Variants in SDCBP2 observed in about 807,000 individuals in gnomAD.
SDCBP2 encodes syndecan binding protein 2.
A neutral mutation model predicts 30.7 loss-of-function variants in SDCBP2; 28 were observed. The ratio of observed to expected loss-of-function variants is 0.91; its 90% CI spans 0.68 to 1.25. The LOEUF is 1.25. Ranked by LOEUF, SDCBP2 falls within the 50% of genes most tolerant of loss-of-function variation. The probability of loss-of-function intolerance (pLI) is 0.00; values close to 1 mark genes in which losing one functional copy is unlikely to be tolerated. For missense variants in SDCBP2, 399 were observed against 379.0 expected, an observed-to-expected ratio of 1.05 and a Z score of -0.44; for synonymous variants, 166 against 157.3, an observed-to-expected ratio of 1.06 and a Z score of -0.41.
Position 1,319,536 on chromosome 20 carries a change from T to G in SDCBP2, c.124+54A>C. The G allele has an allele frequency of 4.6e-6, 7 of 1,520,714 alleles. 1 individual carries two copies. In the South Asian group the frequency reaches 8.4e-5, roughly 18 times the overall value. 94.2% of individuals were successfully genotyped at this position (1,520,714 alleles called of 1,614,324 possible). ...TGGCATTGCCAAGCTTCCCTGATGA[T>G]CTCTTCCCTGAAAGGACTTGGCACC... On this transcript the variant is annotated intron_variant, in intron 3 of 8. Coordinates refer to ENST00000360779, the MANE Select transcript of SDCBP2 (RefSeq NM_080489.5).
Position 1,319,667 on chromosome 20 carries a change from G to A in SDCBP2, c.55-8C>T, listed in dbSNP as rs1396047746. The A allele has an allele frequency of 2.6e-6, 4 of 1,551,084 alleles. No individual in the cohort carries two copies. The highest frequency in any genetic ancestry group is 4.7e-5 in the East Asian group (2 of 42,894). On this transcript the variant is annotated splice_region_variant and splice_polypyrimidine_tract_variant and intron_variant, in intron 2 of 8. Coordinates refer to ENST00000360779, the MANE Select transcript of SDCBP2 (RefSeq NM_080489.5). ...TGAGGCTCTGACCTGGGCCTGGGGAGGAGCAGGGAGCACTGGTCAGCTGTG... is the reference window on the plus strand; with the variant it reads ...TGAGGCTCTGACCTGGGCCTGGGGAAGAGCAGGGAGCACTGGTCAGCTGTG...
At chr20:1,322,185 C>T (rs2088858543) in intron 1 of SDCBP2, 1 of 152,274 alleles carries the variant, frequency 6.6e-6, no homozygotes, top group Non-Finnish European at 1.5e-5. Context: ...CCTCTCCCTG[C>T]TCCTTGCTTG....
In SDCBP2 at chr20:1,320,326, T is replaced by A; in HGVS notation, c.54+37A>T. The A allele has an allele frequency of 6.3e-7, 1 of 1,599,520 alleles. No homozygotes were observed. Among genetic ancestry groups the A allele is most frequent in the Non-Finnish European group, 8.6e-7 (1 of 1,168,214 alleles). On this transcript the variant is annotated intron_variant, in intron 2 of 8. Transcript: ENST00000360779. The surrounding 1 kb of genome is among the most constrained non-coding windows in gnomAD (Gnocchi z 4.7). Reference sequence around the variant, plus strand: ...TTCCAGGGTAATCCCCAAGGTCCCCTTCAGGGAATCCAGGCCAATGGGGCC... The same window carrying A: ...TTCCAGGGTAATCCCCAAGGTCCCCATCAGGGAATCCAGGCCAATGGGGCC...
rs753353949 is a variant in SDCBP2 at position 1,310,910 on chromosome 20, A to G, written c.733-19T>C. On this transcript the variant is annotated intron_variant, in intron 7 of 8. Transcript: ENST00000360779. ...TTTTGTCCTAGGGAGGAGGCAAGTA[A>G]GCGATCACCCTAAGGATTGGGGACC... 1.3e-6 allele frequency: 2 copies of G among 1,597,366 alleles called. No homozygotes were observed. The highest frequency in any genetic ancestry group is 2.7e-5 in the African/African-American group (2 of 74,636).
chr20:1,328,087 C>T (rs1396835617), intron 1 of SDCBP2, among the ~76,000 whole-genome samples: 2 of 152,016 alleles, frequency 1.3e-5, no homozygotes, highest in Non-Finnish European at 2.9e-5. Flanking sequence ...GGGGTGGGCA[C>T]GGCCATTGCA....
rs967616629 is a variant in SDCBP2 at position 1,320,375 on chromosome 20, G to T, written c.42C>A (p.Asp14Glu). 1 of 1,613,904 alleles carries T rather than the reference G, an allele frequency of 6.2e-7. No individual in the cohort carries two copies. The highest frequency in any genetic ancestry group is 8.5e-7 in the Non-Finnish European group (1 of 1,179,928). The stretch of plus-strand genomic sequence containing the variant: ...CCTGGCGACTTACCTGAATGGCTTG[G>T]TCCACTTTTAGGTCCTCTAGAGATG... Reference protein sequence around the residue: ...LYPSLEDLKVDQAIQAQVRAS... With the variant: ...LYPSLEDLKVEQAIQAQVRAS... Residue 14 changes from aspartate (D) to glutamate (E), a missense_variant, in exon 2 of 9, where the codon GAC becomes GAA. Transcript: ENST00000360779. This position sits in a 1 kb window ranked among gnomAD's most constrained non-coding sequence, Gnocchi z 4.7.
Position 1,310,401 on chromosome 20 carries a change from G to A in SDCBP2, c.*40C>T, listed in dbSNP as rs1477495713. ...GGGTGGTTGCCCTTTGCTGCAGGAG[G>A]GCGGGAAGCCCCCCCTGCCTGCCCT... On this transcript the variant is annotated 3_prime_UTR_variant, in exon 9 of 9. Coordinates refer to ENST00000360779, the MANE Select transcript of SDCBP2 (RefSeq NM_080489.5). 3 of 1,604,680 alleles carry A rather than the reference G, an allele frequency of 1.9e-6. No homozygotes were observed. The highest frequency in any genetic ancestry group is 1.9e-4 in the Middle Eastern group (1 of 5,218).
Position 1,312,336 on chromosome 20 carries a change from C to T in SDCBP2, c.732+1G>A. On this transcript the variant is annotated splice_donor_variant, in intron 7 of 8. Coordinates refer to ENST00000360779, the MANE Select transcript of SDCBP2 (RefSeq NM_080489.5). LOFTEE classifies it high-confidence loss of function. ...CCTCCCTGGTGCGGCCACCAGCCTA[C>T]CTTCAGCCCGATAACATTCTGCCCG... 6.2e-7 allele frequency: 1 copy of T among 1,612,642 alleles called. No homozygotes were observed. Among genetic ancestry groups the T allele is most frequent in the Non-Finnish European group, 8.5e-7 (1 of 1,179,502 alleles).
At chr20:1,311,180 G>A (rs1027500648) in intron 7 of SDCBP2, 8 of 348,454 alleles carry the variant, frequency 2.3e-5, no homozygotes, top group African/African-American at 6.2e-5. Flanking sequence ...TGAGCCTGAC[G>A]CGTAACAGGG....
intron 4 of SDCBP2, chr20:1,317,761 G>T: frequency 4.2e-6 from 1 of 236,096 alleles, no homozygotes. Flanking sequence ...CATCGGCTCA[G>T]GACGAGCCTG....
At chr20:1,312,872 G>A in intron 5 of SDCBP2, 110 bp from the exon 6 acceptor site, 1 of 1,224,006 alleles carries the variant, frequency 8.2e-7, no homozygotes, top group Non-Finnish European at 1.1e-6. Flanking sequence ...CAGGGTGCCA[G>A]GGACACAGCT....
Position 1,313,533 on chromosome 20 carries a change from C to G in SDCBP2, c.226-35G>C. The G allele has an allele frequency of 6.5e-7, 1 of 1,538,744 alleles. No individual in the cohort carries two copies. Among genetic ancestry groups the G allele is most frequent in the Non-Finnish European group, 8.7e-7 (1 of 1,146,892 alleles). ...CCAGGGGGCAGGGGGTCAGCCCGGC[C>G]CGTGGGGACCCTGTGCCTCAGGAGA... On this transcript the variant is annotated intron_variant, in intron 4 of 8. Coordinates refer to ENST00000360779, the MANE Select transcript of SDCBP2 (RefSeq NM_080489.5). The surrounding 1 kb of genome is among the most constrained non-coding windows in gnomAD (Gnocchi z 5.2).
intron 7 of SDCBP2, among the ~76,000 whole-genome samples, chr20:1,311,720 G>T (rs560057333): frequency 3.9e-5 from 6 of 152,232 alleles, no homozygotes; most frequent in African/African-American, 1.4e-4. Context: ...AGAACCTCAC[G>T]ACCCCATGGA....
At position 1,310,249 on chromosome 20, in the gene SDCBP2, T is replaced by G. The variant is rs1320386993; in HGVS notation, c.*192A>C. ...TGTGGGCCCTGCCTGAGCCTCAGCC[T>G]AGCTTGGAGTCTGAGGCTCCAAGGA... On this transcript the variant is annotated 3_prime_UTR_variant, in exon 9 of 9. Transcript: ENST00000360779. The G allele has an allele frequency of 1.9e-6, 1 of 518,372 alleles. No individual in the cohort carries two copies. The allele number at this position is 518,372 out of a possible 1,614,324, so 32.1% of individuals were successfully genotyped here. A position where few individuals can be genotyped will look rare whatever the true frequency, so the allele number is the denominator to read the frequency against.
intron 1 of SDCBP2, 87 bp downstream of exon 1, chr20:1,328,998 G>A (rs765607711): frequency 1.3e-5 from 2 of 152,408 alleles, no homozygotes; most frequent in Non-Finnish European, 2.9e-5. Context: ...CAGAAGGGAA[G>A]GGGCAGGGAG....
chr20:1,313,047 T>A lies in SDCBP2; in HGVS notation c.385-285A>T, dbSNP rs2088704401. 1.7e-6 allele frequency: 1 copy of A among 587,114 alleles called. No individual in the cohort carries two copies. Among genetic ancestry groups the A allele is most frequent in the Non-Finnish European group, 3.0e-6 (1 of 330,342 alleles). The allele number at this position is 587,114 out of a possible 1,614,324, so 36.4% of individuals were successfully genotyped here. ...GCATGGGCTTCCCTGGCGTCGGCTG[T>A]CTACACCGTCGCCTGGAAGCTAGAT... On this transcript the variant is annotated intron_variant, in intron 5 of 8. Coordinates refer to ENST00000360779, the MANE Select transcript of SDCBP2 (RefSeq NM_080489.5). This position sits in a 1 kb window ranked among gnomAD's most constrained non-coding sequence, Gnocchi z 5.2.
chr20:1,318,053 C>T, intron 4 of SDCBP2: 1 of 512,456 alleles, frequency 2.0e-6, no homozygotes, highest in South Asian at 1.6e-5. Context: ...CCTCCCTTCT[C>T]ATCCAGCTCA....
rs200258208 is a variant in SDCBP2 at position 1,319,609 on chromosome 20, T to C, written c.105A>G (p.Thr35=). The part of the protein sequence containing the change: ...PKMPALPVQA[T]AISPPPVLYP... ...ACTCACCTGGTGGTGGGGAAATGGC[T>C]GTTGCCTGGACTGGCAGGGCTGGCA... The change falls in exon 3 of 9, where the codon ACA becomes ACG. Residue 35 remains threonine (T), a synonymous_variant. Transcript: ENST00000360779. The C allele has an allele frequency of 2.2e-4, 349 of 1,573,390 alleles. No individual in the cohort carries two copies. The African/African-American group carries it at 4.5e-3, about 20-fold the overall frequency.
chr20:1,310,434 A>G lies in SDCBP2; in HGVS notation c.*7T>C, dbSNP rs746694847. On this transcript the variant is annotated 3_prime_UTR_variant, in exon 9 of 9. Coordinates refer to ENST00000360779, the MANE Select transcript of SDCBP2 (RefSeq NM_080489.5). ...GCCCCCCCTGCCTGCCCTGCCCTGC[A>G]GTGGCTTCAGGCATCTGGGATGGAG... 3.4e-5 allele frequency: 55 copies of G among 1,613,098 alleles called. No homozygotes were observed. The highest frequency in any genetic ancestry group is 4.5e-5 in the Non-Finnish European group (53 of 1,179,856).
Sources: gnomAD v4.1 joint callset for allele counts (sites outside exome capture counted in the v4.1 genomes callset) on GRCh38, gnomAD v4.1.1 for gene constraint, Gnocchi (gnomAD v3.1) non-coding constraint, MANE v1.5 for transcripts, NCBI Gene and HGNC (gene_info 2026-07-23, HGNC 2026-07-21) for gene names.